Variants in PARD3 observed in about 807,000 individuals in gnomAD.
PARD3 encodes partitioning defective 3 homolog.
In PARD3, 75 loss-of-function variants were observed where a neutral mutation model predicts 155.4. The observed-to-expected ratio is 0.48, with a 90% CI of 0.40 to 0.58. PARD3 has a LOEUF of 0.58. Ranked by LOEUF, PARD3 falls within the 20% of genes least tolerant of loss-of-function variation. The probability of loss-of-function intolerance (pLI) is 0.00; values close to 1 mark genes in which losing one functional copy is unlikely to be tolerated. For synonymous variants in PARD3, 576 were observed against 610.5 expected (o/e 0.94, Z 0.83); for missense variants, 1,642 against 1,721.7 (o/e 0.95, Z 0.82).
At chr10:34,489,617 G>A (rs921940482) in intron 3 of PARD3, among the ~76,000 whole-genome samples, 2 of 152,164 alleles carry the variant, frequency 1.3e-5, no homozygotes, top group Non-Finnish European at 2.9e-5. Flanking sequence ...GAAACATATG[G>A]CTGCGTGTCT....
chr10:34,315,599 T>C (rs1378812680), intron 20 of PARD3, among the ~76,000 whole-genome samples: 2 of 152,200 alleles, frequency 1.3e-5, no homozygotes, highest in East Asian at 3.8e-4. Flanking sequence ...CCATGTTAAC[T>C]GATGGGCAGC....
chr10:34,113,514 C>CACACACACATAG (rs1372699098), intron 24 of PARD3, among the ~76,000 whole-genome samples: 1 of 150,736 alleles, frequency 6.6e-6, no homozygotes, highest in Admixed American at 6.6e-5. Flanking sequence ...CACACACACA[C>CACACACACATAG]ACACACACAT....
chr10:34,437,615 G>C (rs1041499923), intron 5 of PARD3, among the ~76,000 whole-genome samples: 1 of 151,770 alleles, frequency 6.6e-6, no homozygotes. Context: ...TAAATTAACA[G>C]TATAATTTAT....
At chr10:34,791,093 GT>G (rs2134244230) in intron 1 of PARD3, among the ~76,000 whole-genome samples, 1 of 152,346 alleles carries the variant, frequency 6.6e-6, no homozygotes, top group South Asian at 2.1e-4. Flanking sequence ...TCTCTATTCA[GT>G]TAGATAATAG....
At chr10:34,380,151 A>T (rs1474147178) in intron 9 of PARD3, among the ~76,000 whole-genome samples, 1 of 152,132 alleles carries the variant, frequency 6.6e-6, no homozygotes, top group African/African-American at 2.4e-5. Flanking sequence ...AAATATATGC[A>T]TTTAGTCCTA....
chr10:34,672,399 T>A (rs1281323933), intron 2 of PARD3, among the ~76,000 whole-genome samples: 2 of 152,238 alleles, frequency 1.3e-5, no homozygotes, highest in Admixed American at 1.3e-4. Context: ...CCAGGCAGCA[T>A]GCTCCATTCA....
At chr10:34,471,943 T>C (rs944385575) in intron 3 of PARD3, among the ~76,000 whole-genome samples, 9 of 152,130 alleles carry the variant, frequency 5.9e-5, no homozygotes, top group South Asian at 2.1e-4. Flanking sequence ...CACTGGTCAA[T>C]GGTAAAGATA....
At chr10:34,730,855 G>A (rs371093097) in intron 1 of PARD3, among the ~76,000 whole-genome samples, 5 of 152,134 alleles carry the variant, frequency 3.3e-5, no homozygotes, top group African/African-American at 9.7e-5. Flanking sequence ...GCGAGTAGAC[G>A]CTGTGAGGAT....
At chr10:34,746,479 T>C (rs968014312) in intron 1 of PARD3, among the ~76,000 whole-genome samples, 1 of 152,136 alleles carries the variant, frequency 6.6e-6, no homozygotes. Context: ...AATACTATTT[T>C]AAAATAGTAA....
chr10:34,110,932 A>G lies in PARD3; in HGVS notation c.*237T>C, dbSNP rs959802123. 13 of 422,538 alleles carry G rather than the reference A, an allele frequency of 3.1e-5. No individual in the cohort carries two copies. Among genetic ancestry groups the G allele is most frequent in the Non-Finnish European group, 5.0e-5 (12 of 239,380 alleles). 26.2% of individuals were successfully genotyped at this position (422,538 alleles called of 1,614,324 possible). A position where few individuals can be genotyped will look rare whatever the true frequency, so the allele number is the denominator to read the frequency against. ...GTGGAGAGGCGCAGAGCATATGAAC[A>G]CCTCAAACAGATGATTGTCACAGGG... is the stretch of plus-strand genomic sequence containing the variant. On this transcript the variant is annotated 3_prime_UTR_variant, in exon 25 of 25. Transcript: ENST00000374788.
At chr10:34,208,830 G>A (rs1454091996) in intron 22 of PARD3, among the ~76,000 whole-genome samples, 2 of 152,110 alleles carry the variant, frequency 1.3e-5, no homozygotes, top group African/African-American at 2.4e-5. Context: ...TTTAACAATC[G>A]AGGGTTTTGA....
At chr10:34,801,245 T>C (rs1261108678) in intron 1 of PARD3, among the ~76,000 whole-genome samples, 1 of 152,132 alleles carries the variant, frequency 6.6e-6, no homozygotes, top group Non-Finnish European at 1.5e-5. Flanking sequence ...CACACTCACA[T>C]GAAAAAATGT....
chr10:34,719,168 C>T (rs978727303), intron 1 of PARD3, among the ~76,000 whole-genome samples: 1 of 151,968 alleles, frequency 6.6e-6, no homozygotes, highest in Admixed American at 6.6e-5. Context: ...CCTTTTTAGA[C>T]CTGTCTGAAA....
rs1227936633 is a variant in PARD3 at position 34,109,650 on chromosome 10, ACT to A, written c.*1517_*1518del. On this transcript the variant is annotated 3_prime_UTR_variant, in exon 25 of 25. Coordinates refer to ENST00000374788, the MANE Select transcript of PARD3 (RefSeq NM_001184785.2). ...TCAGGGGAGGCTGTGAGAAAGAGCCACTGTCATCCAAGGTCACTGCGCGTACA... is the reference window on the plus strand; with the variant it reads ...TCAGGGGAGGCTGTGAGAAAGAGCCAGTCATCCAAGGTCACTGCGCGTACA... 1 of 151,990 alleles carries A rather than the reference ACT, an allele frequency of 6.6e-6. No homozygotes were observed. Among genetic ancestry groups the A allele is most frequent in the African/African-American group, 2.4e-5 (1 of 41,392 alleles). 9.4% of individuals were successfully genotyped at this position (151,990 alleles called of 1,614,324 possible). A position where few individuals can be genotyped will look rare whatever the true frequency, so the allele number is the denominator to read the frequency against.
intron 3 of PARD3, among the ~76,000 whole-genome samples, chr10:34,473,227 ATAAAT>A (rs1220630636): frequency 2.0e-5 from 3 of 152,220 alleles, no homozygotes; most frequent in African/African-American, 7.2e-5. Flanking sequence ...TATTTATAAA[ATAAAT>A]TAAAATAAAT....
chr10:34,412,376 T>C (rs925496118), intron 5 of PARD3, among the ~76,000 whole-genome samples: 19 of 152,320 alleles, frequency 1.2e-4, no homozygotes, highest in South Asian at 6.2e-4. Context: ...TAAAAAGCGA[T>C]GTACTCTCTT....
intron 2 of PARD3, among the ~76,000 whole-genome samples, chr10:34,545,950 G>A (rs1589958238): frequency 6.6e-6 from 1 of 152,176 alleles, no homozygotes; most frequent in Admixed American, 6.5e-5. Flanking sequence ...CATTAACATA[G>A]TATATAAAAT....
In PARD3 at chr10:34,727,814, C is replaced by CCACA. The variant is rs140873851; in HGVS notation, c.121-31399_121-31396dup. Among the ~76,000 whole-genome samples, 132 of 142,652 alleles carry CCACA rather than the reference C, an allele frequency of 9.3e-4. 3 individuals are homozygous for CCACA. Among genetic ancestry groups the CCACA allele is most frequent in the Admixed American group, 3.5e-3 (50 of 14,258 alleles). 93.6% of individuals were successfully genotyped at this position (142,652 alleles called of 152,430 possible). A position where few individuals can be genotyped will look rare whatever the true frequency, so the allele number is the denominator to read the frequency against. ...ACAAGTATGCAACCCCCTCCCTCCA[C>CCACA]CACACACACACACACACACGCACGC... On this transcript the variant is annotated intron_variant, in intron 1 of 24. Coordinates refer to ENST00000374788, the MANE Select transcript of PARD3 (RefSeq NM_001184785.2).
At chr10:34,113,093 G>T (rs1946473640) in intron 24 of PARD3, among the ~76,000 whole-genome samples, 3 of 152,164 alleles carry the variant, frequency 2.0e-5, no homozygotes, top group African/African-American at 7.2e-5. Context: ...ATTAAAACAA[G>T]GAACTTGTGA....
Sources: allele counts gnomAD v4.1 joint callset (sites outside exome capture counted in the v4.1 genomes callset), GRCh38; gene constraint gnomAD v4.1.1; transcripts MANE v1.5; gene names NCBI Gene and HGNC (gene_info 2026-07-23, HGNC 2026-07-21).